Variants in MYT1L observed in about 807,000 individuals in gnomAD.
The protein encoded by MYT1L is myelin transcription factor 1-like protein.
MYT1L carries 12 observed loss-of-function variants against 126.7 expected under a neutral mutation model. That is an observed-to-expected ratio of 0.09 (90% CI 0.06 to 0.15). MYT1L has a LOEUF of 0.15. Ranked by LOEUF, MYT1L falls within the 10% of genes least tolerant of loss-of-function variation. The probability of loss-of-function intolerance (pLI) is 1.00; values close to 1 mark genes in which losing one functional copy is unlikely to be tolerated. For missense variants in MYT1L, 979 were observed against 1,585.2 expected (o/e 0.62, Z 6.49); for synonymous variants, 541 against 604.2 (o/e 0.90, Z 1.53).
At chr2:2,277,695 G>A (rs1049412850) in intron 2 of MYT1L, among the ~76,000 whole-genome samples, 2 of 152,140 alleles carry the variant, frequency 1.3e-5, no homozygotes, top group Admixed American at 6.5e-5. Context: ...TAAAGTTACT[G>A]CCCTTCAGGT....
chr2:2,136,091 G>A (rs955764407), intron 3 of MYT1L, among the ~76,000 whole-genome samples: 9 of 152,268 alleles, frequency 5.9e-5, no homozygotes, highest in Admixed American at 5.2e-4. Flanking sequence ...GGATGAAGCT[G>A]GGAACCATCA....
chr2:1,998,292 C>T (rs978495202), intron 4 of MYT1L, among the ~76,000 whole-genome samples: 3 of 152,150 alleles, frequency 2.0e-5, no homozygotes, highest in African/African-American at 2.4e-5. Flanking sequence ...CGGAGCCCTG[C>T]GATGATGCAG....
At chr2:2,226,650 C>T (rs976726145) in intron 2 of MYT1L, among the ~76,000 whole-genome samples, 5 of 152,166 alleles carry the variant, frequency 3.3e-5, no homozygotes, top group African/African-American at 1.2e-4. Context: ...TTCCAAACCT[C>T]CGACCACATG....
At chr2:2,098,929 C>A (rs551998443) in intron 3 of MYT1L, among the ~76,000 whole-genome samples, 3 of 152,144 alleles carry the variant, frequency 2.0e-5, no homozygotes, top group Non-Finnish European at 4.4e-5. Flanking sequence ...ACAACTTTAT[C>A]CCCTGCACCT....
Position 1,889,377 on chromosome 2 carries a change from G to A in MYT1L, c.2384C>T (p.Pro795Leu). 6.2e-7 allele frequency: 1 copy of A among 1,613,972 alleles called. No homozygotes were observed. The highest frequency in any genetic ancestry group is 8.5e-7 in the Non-Finnish European group (1 of 1,179,888). The change falls in exon 16 of 25, where the codon CCC becomes CTC. Residue 795 changes from proline (P) to leucine (L), a missense_variant. Around this residue, in one of 12 missense-constraint regions of MYT1L, gnomAD observed 141 missense variants for 170.6 expected, o/e 0.83. Coordinates refer to ENST00000647738, the MANE Select transcript of MYT1L (RefSeq NM_001303052.2). The surrounding 1 kb of genome is among the most constrained non-coding windows in gnomAD (Gnocchi z 4.1). ...SCCPILTPLE[P>L]MSPQQQAVMN... The stretch of plus-strand genomic sequence containing the variant: ...CACTGCCTGCTGCTGGGGGGACATG[G>A]GCTCCAGAGGGGTCAGGATGGGGCA...
At chr2:1,978,678 C>T (rs1353256361) in intron 8 of MYT1L, among the ~76,000 whole-genome samples, 1 of 152,190 alleles carries the variant, frequency 6.6e-6, no homozygotes, top group Non-Finnish European at 1.5e-5. Context: ...GACCTGACCT[C>T]ACCCTGCAGC....
intron 1 of MYT1L, among the ~76,000 whole-genome samples, chr2:2,288,855 A>G (rs1158858210): frequency 3.3e-5 from 5 of 152,190 alleles, no homozygotes; most frequent in Non-Finnish European, 5.9e-5. Context: ...AATATAACCC[A>G]TTCAATTCAG....
At chr2:2,142,729 C>G (rs953069880) in intron 3 of MYT1L, among the ~76,000 whole-genome samples, 6 of 151,952 alleles carry the variant, frequency 3.9e-5, no homozygotes, top group Non-Finnish European at 8.8e-5. Flanking sequence ...CTCTGTTGCC[C>G]AGGCTGGAGT....
At chr2:1,936,893 T>G (rs1243688221) in intron 9 of MYT1L, among the ~76,000 whole-genome samples, 1 of 152,152 alleles carries the variant, frequency 6.6e-6, no homozygotes, top group Non-Finnish European at 1.5e-5. Context: ...CTCTAGCAAC[T>G]TGGGGCTAGC....
rs544672838 is a variant in MYT1L at position 2,070,803 on chromosome 2, G to A, written c.-303-16680C>T. 3.9e-5 allele frequency among the ~76,000 whole-genome samples: 6 copies of A among 152,224 alleles called. No individual in the cohort carries two copies. In the East Asian group the frequency reaches 7.7e-4, roughly 20 times the overall value. On this transcript the variant is annotated intron_variant, in intron 3 of 24. Coordinates refer to ENST00000647738, the MANE Select transcript of MYT1L (RefSeq NM_001303052.2). ...GGACTGAGCCCAGGACATCAATATC[G>A]GCTCCATGTACATCATTACTTATTT...
chr2:1,909,846 C>T (rs1250407974), intron 13 of MYT1L, among the ~76,000 whole-genome samples: 1 of 152,206 alleles, frequency 6.6e-6, no homozygotes, highest in Non-Finnish European at 1.5e-5. Context: ...TCGTCAGAAA[C>T]ATCAGCACCA....
chr2:1,989,132 A>G (rs1306921794), intron 5 of MYT1L, among the ~76,000 whole-genome samples: 1 of 152,094 alleles, frequency 6.6e-6, no homozygotes, highest in Non-Finnish European at 1.5e-5. Flanking sequence ...CAAAATCTAA[A>G]AAGTGCGTGT....
chr2:1,943,575 G>A lies in MYT1L; in HGVS notation c.153-241C>T, dbSNP rs1428203670. ...TTTGTCTAGTTACCATTCACATTTA[G>A]TCCAAGTCTCCTAGTTCCTCGTTCC... On this transcript the variant is annotated intron_variant, in intron 8 of 24. Coordinates refer to ENST00000647738, the MANE Select transcript of MYT1L (RefSeq NM_001303052.2). This position sits in a 1 kb window ranked among gnomAD's most constrained non-coding sequence, Gnocchi z 4.4. 6.6e-6 allele frequency among the ~76,000 whole-genome samples: 1 copy of A among 152,134 alleles called. No individual in the cohort carries two copies. The highest frequency in any genetic ancestry group is 1.9e-4 in the East Asian group (1 of 5,196).
chr2:2,172,900 T>C lies in MYT1L; in HGVS notation c.-332A>G, dbSNP rs372288112. ...CACTGTTGCCGCGCCGGGTGGGTGA[T>C]CTCAGGACCTGATATTCTTCCGCCG... On this transcript the variant is annotated 5_prime_UTR_variant, in exon 3 of 25. Coordinates refer to ENST00000647738, the MANE Select transcript of MYT1L (RefSeq NM_001303052.2). The C allele has an allele frequency of 6.6e-6, 1 of 152,350 alleles. No homozygotes were observed. Among genetic ancestry groups the C allele is most frequent in the African/African-American group, 2.4e-5 (1 of 41,470 alleles). The allele number at this position is 152,350 out of a possible 1,614,324, so 9.4% of individuals were successfully genotyped here. A position where few individuals can be genotyped will look rare whatever the true frequency, so the allele number is the denominator to read the frequency against.
At chr2:2,095,950 G>T (rs1352878823) in intron 3 of MYT1L, among the ~76,000 whole-genome samples, 6 of 152,098 alleles carry the variant, frequency 3.9e-5, no homozygotes, top group African/African-American at 1.4e-4. Context: ...CGCTGAGGAG[G>T]AGCCCTGGTG....
intron 1 of MYT1L, among the ~76,000 whole-genome samples, chr2:2,295,801 G>C (rs1255725741): frequency 4.6e-5 from 7 of 150,892 alleles, no homozygotes; most frequent in South Asian, 2.1e-4. Flanking sequence ...CAGAGAGAGA[G>C]AGAGAGAGAG....
intron 5 of MYT1L, among the ~76,000 whole-genome samples, chr2:1,989,810 A>C (rs1156725072): frequency 6.6e-6 from 1 of 152,126 alleles, no homozygotes; most frequent in Non-Finnish European, 1.5e-5. Context: ...CAGCCTGGCT[A>C]ACATGGTGAA....
At chr2:1,965,945 C>T (rs1341503412) in intron 8 of MYT1L, among the ~76,000 whole-genome samples, 2 of 152,260 alleles carry the variant, frequency 1.3e-5, no homozygotes, top group Non-Finnish European at 2.9e-5. Context: ...CCGGGTGGCC[C>T]TGTGAGGGCA....
intron 11 of MYT1L, among the ~76,000 whole-genome samples, chr2:1,914,847 T>C (rs1279169934): frequency 6.6e-6 from 1 of 152,228 alleles, no homozygotes; most frequent in Non-Finnish European, 1.5e-5. Flanking sequence ...AACCACTGTC[T>C]TTTCCATGCC....
Sources: allele counts gnomAD v4.1 joint callset (sites outside exome capture counted in the v4.1 genomes callset), GRCh38; gene constraint gnomAD v4.1.1; regional missense constraint gnomAD v4.1.1; non-coding constraint Gnocchi (gnomAD v3.1); transcripts MANE v1.5; gene names NCBI Gene and HGNC (gene_info 2026-07-23, HGNC 2026-07-21).